SLC8A1: variants seen among roughly 807,000 people sequenced by gnomAD.
The protein encoded by SLC8A1 is sodium/calcium exchanger 1.
SLC8A1 carries 18 observed loss-of-function variants against 68.3 expected under a neutral mutation model. The observed-to-expected ratio is 0.26, with a 90% confidence interval of 0.18 to 0.39. The LOEUF (loss-of-function observed/expected upper bound fraction) is 0.39, where lower values mean the gene tolerates loss of function less well. Among genes scored for constraint, SLC8A1 ranks in the 10% least tolerant of loss-of-function variants. The pLI, the probability that SLC8A1 is intolerant of heterozygous loss-of-function variation, is 1.00. For synonymous variants in SLC8A1, 475 were observed against 415.5 expected, an observed-to-expected ratio of 1.14 and a Z score of -1.74; for missense variants, 985 against 1,156.7, an observed-to-expected ratio of 0.85 and a Z score of 2.15.
intron 2 of SLC8A1, chr2:40,251,222 TCAGA>T (rs1250413376): frequency 6.6e-6 from 1 of 151,984 alleles, no homozygotes; most frequent in Non-Finnish European, 1.5e-5. Flanking sequence ...TAGATAAGCT[TCAGA>T]CAAAGGGAAA....
intron 2 of SLC8A1, among the ~76,000 whole-genome samples, chr2:40,349,008 C>A (rs185768990): frequency 6.6e-6 from 1 of 152,220 alleles, no homozygotes; most frequent in East Asian, 1.9e-4. Flanking sequence ...AGGAATGTGG[C>A]TCTTCTTCTC....
chr2:40,314,465 T>C (rs1218796409), intron 2 of SLC8A1, among the ~76,000 whole-genome samples: 1 of 152,022 alleles, frequency 6.6e-6, no homozygotes, highest in Non-Finnish European at 1.5e-5. Context: ...TCCAGTGGTA[T>C]TTTAGCTATT....
intron 2 of SLC8A1, among the ~76,000 whole-genome samples, chr2:40,200,186 AT>A (rs1558720645): frequency 2.6e-4 from 6 of 23,120 alleles, no homozygotes; most frequent in African/African-American, 5.9e-4. Context: ...ATATATATAT[AT>A]ATATTTATAT....
chr2:40,498,236 C>G (rs77489867), intron 1 of SLC8A1, among the ~76,000 whole-genome samples: 6 of 151,918 alleles, frequency 3.9e-5, no homozygotes, highest in African/African-American at 1.5e-4. Context: ...ATTGGTTGGA[C>G]GGTGAACAAT....
At chr2:40,389,674 G>A (rs1421904994) in intron 2 of SLC8A1, among the ~76,000 whole-genome samples, 4 of 151,818 alleles carry the variant, frequency 2.6e-5, no homozygotes, top group Non-Finnish European at 4.4e-5. Context: ...CAATTCCCAT[G>A]TCACTCCCTT....
At chr2:40,098,576 T>C (rs2033711526) in exon 8 of SLC8A1, 3 of 152,014 alleles carry the variant, frequency 2.0e-5, no homozygotes, top group Admixed American at 6.6e-5. Flanking sequence ...CTGTCATTAA[T>C]GTTGGTGCCT....
chr2:40,181,442 AAGAAAAAGAAAAAAGTACT>A (rs1173897571), intron 2 of SLC8A1, among the ~76,000 whole-genome samples: 1 of 152,246 alleles, frequency 6.6e-6, no homozygotes, highest in Non-Finnish European at 1.5e-5. Flanking sequence ...ATCAAAGATG[AAGAAAAAGAAAAAAGTACT>A]TTTGTAGGTG....
intron 2 of SLC8A1, among the ~76,000 whole-genome samples, chr2:40,220,850 C>G (rs1264663761): frequency 1.3e-5 from 2 of 151,638 alleles, no homozygotes; most frequent in African/African-American, 4.8e-5. Context: ...AAGCCCACTT[C>G]TTAATAGTTG....
At chr2:40,379,220 G>C (rs2149541176) in intron 2 of SLC8A1, among the ~76,000 whole-genome samples, 1 of 152,224 alleles carries the variant, frequency 6.6e-6, no homozygotes, top group African/African-American at 2.4e-5. Flanking sequence ...ATTCCGTTTT[G>C]AGGTGGTGCT....
At chr2:40,195,698 T>A (rs2052836178) in intron 2 of SLC8A1, 1 of 152,072 alleles carries the variant, frequency 6.6e-6, no homozygotes, top group Non-Finnish European at 1.5e-5. Context: ...ATATATTTAA[T>A]CCAAGTCATG....
chr2:40,495,558 A>G (rs1421450572), intron 1 of SLC8A1, among the ~76,000 whole-genome samples: 1 of 152,090 alleles, frequency 6.6e-6, no homozygotes, highest in African/African-American at 2.4e-5. Context: ...TCACAGATGT[A>G]TCTGTTGGTG....
rs1168385346 is a variant in SLC8A1, at chr2:40,359,988, A to T, written c.1808+68485T>A. 9.2e-5 allele frequency among the ~76,000 whole-genome samples: 14 copies of T among 151,982 alleles called. No homozygotes were observed. In the East Asian group the frequency reaches 2.7e-3, roughly 29 times the overall value. ...TAACGGCTGTGCAAGAGTCTGTGGT[A>T]GGGCTGCTCTTGAAATGGAAAAGAA... On this transcript the variant is annotated intron_variant, in intron 2 of 7. Coordinates refer to ENST00000406785, the Ensembl canonical transcript of SLC8A1.
At chr2:40,248,901 T>C (rs1363489556) in intron 2 of SLC8A1, among the ~76,000 whole-genome samples, 1 of 152,194 alleles carries the variant, frequency 6.6e-6, no homozygotes, top group African/African-American at 2.4e-5. Context: ...CTTGTGATCA[T>C]AATTTCAGAA....
chr2:40,097,425 T>A (rs1310200614), exon 8 of SLC8A1: 2 of 152,026 alleles, frequency 1.3e-5, no homozygotes, highest in South Asian at 2.1e-4. Context: ...ATAACATACA[T>A]GTATGACAAA....
intron 7 of SLC8A1, among the ~76,000 whole-genome samples, chr2:40,138,775 C>T (rs1223434246): frequency 2.0e-5 from 3 of 152,058 alleles, no homozygotes; most frequent in Non-Finnish European, 4.4e-5. Flanking sequence ...TATGAGTAAA[C>T]ATAATAAAGT....
intron 2 of SLC8A1, among the ~76,000 whole-genome samples, chr2:40,214,475 C>T (rs1371994686): frequency 1.3e-5 from 2 of 149,552 alleles, no homozygotes; most frequent in African/African-American, 2.5e-5. Flanking sequence ...TGGAGTCTTA[C>T]ACTGTCTCCT....
At chr2:40,370,754 T>C (rs566269249) in intron 2 of SLC8A1, among the ~76,000 whole-genome samples, 2 of 152,190 alleles carry the variant, frequency 1.3e-5, no homozygotes, top group African/African-American at 2.4e-5. Context: ...TATTTTACAA[T>C]TTACAAAGCA....
At chr2:40,488,402 T>C (rs922449595) in intron 1 of SLC8A1, among the ~76,000 whole-genome samples, 2 of 152,104 alleles carry the variant, frequency 1.3e-5, no homozygotes, top group East Asian at 3.9e-4. Context: ...TTCACAGATG[T>C]GCAGGCAGAC....
intron 2 of SLC8A1, among the ~76,000 whole-genome samples, chr2:40,375,996 G>A (rs891763980): frequency 6.6e-6 from 1 of 151,892 alleles, no homozygotes; most frequent in African/African-American, 2.4e-5. Flanking sequence ...GCAAGACCCT[G>A]TCTCAAAATA....
Sources: allele counts gnomAD v4.1 joint callset (sites outside exome capture counted in the v4.1 genomes callset), GRCh38; gene constraint gnomAD v4.1.1; transcripts MANE v1.5; gene names NCBI Gene and HGNC (gene_info 2026-07-23, HGNC 2026-07-21).